RFX1: variants seen among roughly 807,000 people sequenced by gnomAD.
RFX1 encodes MHC class II regulatory factor RFX1.
A neutral mutation model predicts 119.6 loss-of-function variants in RFX1; 42 were observed. The observed-to-expected ratio is 0.35, with a 90% CI of 0.27 to 0.45. The LOEUF is 0.45. Ranked by LOEUF, RFX1 falls within the 20% of genes least tolerant of loss-of-function variation. The pLI, the probability that RFX1 is intolerant of heterozygous loss-of-function variation, is 1.00. For missense variants in RFX1, 1,118 were observed against 1,368.1 expected (o/e 0.82, Z 2.88); for synonymous variants, 628 against 618.5 (o/e 1.02, Z -0.23).
At position 13,965,700 on chromosome 19, in the gene RFX1, G is replaced by C. The variant is rs775504584; in HGVS notation, c.2039C>G (p.Thr680Ser). The C allele has an allele frequency of 1.2e-6, 2 of 1,613,948 alleles. No individual in the cohort carries two copies. The highest frequency in any genetic ancestry group is 1.7e-6 in the Non-Finnish European group (2 of 1,179,988). The change falls in exon 15 of 21, where the codon ACC becomes AGC. Residue 680 changes from threonine to serine, a missense_variant. By Grantham distance (58) the Thr-to-Ser change is moderately conservative. Transcript: ENST00000254325. The surrounding 1 kb of genome is among the most constrained non-coding windows in gnomAD (Gnocchi z 4.7). The stretch of plus-strand genomic sequence containing the variant: ...GTACAGCACGTTGTCACAGTGCTTG[G>C]TCCATTGGAGCACGGGCTCGAACTT... ...LSKFEPVLQW[T>S]KHCDNVLYQG...
chr19:13,971,293 G>A (rs796607556), intron 9 of RFX1, among the ~76,000 whole-genome samples: 2 of 151,224 alleles, frequency 1.3e-5, no homozygotes, highest in South Asian at 2.1e-4. Context: ...CTGAGATTGC[G>A]CCACTGCACT....
At position 13,993,800 on chromosome 19, in the gene RFX1, G is replaced by T. The variant is rs1350376624; in HGVS notation, c.44C>A (p.Pro15Gln). ...TGGCGGGGCCTGTGGCGGCTGGGAT[G>T]GTGGCGGGGCTGCCTGTAGCTCAGT... ...AYTELQAAPP[P>Q]SQPPQAPPQA... The change falls in exon 2 of 21, where the codon CCA becomes CAA. Residue 15 changes from proline (P) to glutamine (Q), a missense_variant. Physicochemically the swap from Pro to Gln is moderately conservative, Grantham distance 76. This residue lies in a region of RFX1 where 542 missense variants were observed against 602.7 expected (regional missense o/e 0.90). Coordinates refer to ENST00000254325, the MANE Select transcript of RFX1 (RefSeq NM_002918.5). 2 of 1,602,686 alleles carry T rather than the reference G, an allele frequency of 1.2e-6. No homozygotes were observed. The highest frequency in any genetic ancestry group is 3.4e-5 in the Admixed American group (2 of 58,500).
rs776771970 is a variant in RFX1 at position 13,979,514 on chromosome 19, G to A, written c.767C>T (p.Ala256Val). The A allele has an allele frequency of 5.0e-6, 8 of 1,604,008 alleles. No homozygotes were observed. Among genetic ancestry groups the A allele is most frequent in the East Asian group, 2.3e-5 (1 of 44,106 alleles). Residue 256 changes from alanine (A) to valine (V), a missense_variant, in exon 7 of 21, where the codon GCG becomes GTG. Ala to Val is a moderately conservative substitution (Grantham distance 64, BLOSUM62 0). This residue lies in a region of RFX1 where 542 missense variants were observed against 602.7 expected (regional missense o/e 0.90). Coordinates refer to ENST00000254325, the MANE Select transcript of RFX1 (RefSeq NM_002918.5). Reference protein sequence around the residue: ...ERSVVQATPQAPKPGPVQPLT... With the variant: ...ERSVVQATPQVPKPGPVQPLT... ...CGGCTGCACCGGGCCGGGTTTGGGC[G>A]CTTGTGGAGTGGCCTGGACCACAGA... is the stretch of plus-strand genomic sequence containing the variant.
At chr19:13,975,858 C>T (rs890819222) in intron 8 of RFX1, among the ~76,000 whole-genome samples, 2 of 152,202 alleles carry the variant, frequency 1.3e-5, no homozygotes, top group Non-Finnish European at 2.9e-5. Flanking sequence ...CAGTAATTCA[C>T]TCAGAGGGAG....
chr19:14,004,903 T>C (rs1446134593), intron 1 of RFX1, among the ~76,000 whole-genome samples: 3 of 152,096 alleles, frequency 2.0e-5, no homozygotes, highest in Admixed American at 6.6e-5. Flanking sequence ...GCAAAGATTC[T>C]CCTCTCACAA....
At chr19:13,992,161 G>A (rs975268611) in intron 2 of RFX1, among the ~76,000 whole-genome samples, 1 of 152,150 alleles carries the variant, frequency 6.6e-6, no homozygotes, top group Non-Finnish European at 1.5e-5. Flanking sequence ...CACACTAGCT[G>A]TGCACAGTGG....
rs751576935 is a variant in RFX1, at chr19:13,963,787, C to T, written c.2362-41G>A. On this transcript the variant is annotated intron_variant, in intron 17 of 20. Transcript: ENST00000254325. ...TGGGCGGGCGCCCGGGGCTCAGCCG[C>T]CGTCACCCCCGCCTGGCCCGCCCCG... 24 of 1,499,508 alleles carry T rather than the reference C, an allele frequency of 1.6e-5. No homozygotes were observed. In the African/African-American group the frequency reaches 2.8e-4, roughly 18 times the overall value. 92.9% of individuals were successfully genotyped at this position (1,499,508 alleles called of 1,614,324 possible).
At chr19:13,997,402 G>A (rs1472977678) in intron 1 of RFX1, among the ~76,000 whole-genome samples, 5 of 152,254 alleles carry the variant, frequency 3.3e-5, no homozygotes, top group African/African-American at 7.2e-5. Flanking sequence ...ATGGGAGGAC[G>A]GCTGGCCCTA....
At position 13,964,018 on chromosome 19, in the gene RFX1, G is replaced by A. The variant is rs1176360939; in HGVS notation, c.2212-11C>T. ...GCCAGCCGCGGCCACCTGCGTGCAG[G>A]GATTGAGGGGCTTGCTGCTTCCAAG... On this transcript the variant is annotated splice_polypyrimidine_tract_variant and intron_variant, in intron 16 of 20. Coordinates refer to ENST00000254325, the MANE Select transcript of RFX1 (RefSeq NM_002918.5). The A allele has an allele frequency of 1.3e-5, 20 of 1,529,802 alleles. No individual in the cohort carries two copies. The highest frequency in any genetic ancestry group is 1.3e-5 in the Non-Finnish European group (15 of 1,144,172). The allele number at this position is 1,529,802 out of a possible 1,614,324, so 94.8% of individuals were successfully genotyped here.
chr19:13,989,319 T>C (rs1162854961), intron 2 of RFX1, among the ~76,000 whole-genome samples: 2 of 151,992 alleles, frequency 1.3e-5, no homozygotes, highest in Non-Finnish European at 2.9e-5. Context: ...TGAAGGGGCT[T>C]GACATTTGCT....
intron 2 of RFX1, among the ~76,000 whole-genome samples, chr19:13,988,043 T>C (rs1974665527): frequency 6.6e-6 from 1 of 151,158 alleles, no homozygotes; most frequent in Admixed American, 6.6e-5. Flanking sequence ...TTTTTTTTTT[T>C]TGAGACAGAG....
Position 13,976,318 on chromosome 19 carries a change from C to A in RFX1, c.929+1674G>T, listed in dbSNP as rs568187842. ...AAGTGGCAGGGATGAAAAAAGAAAT[C>A]ATGCAAATGCAAAGAAAACCAAGTG... On this transcript the variant is annotated intron_variant, in intron 8 of 20. Transcript: ENST00000254325. Among the ~76,000 whole-genome samples the A allele has an allele frequency of 2.0e-5, 3 of 152,356 alleles. No individual in the cohort carries two copies. The East Asian group carries it at 5.8e-4, about 29-fold the overall frequency.
At chr19:14,000,603 C>A (rs944907571) in intron 1 of RFX1, among the ~76,000 whole-genome samples, 1 of 151,940 alleles carries the variant, frequency 6.6e-6, no homozygotes, top group East Asian at 1.9e-4. Flanking sequence ...TCAAGACCAG[C>A]CTAAGCAACA....
intron 12 of RFX1, among the ~76,000 whole-genome samples, chr19:13,967,360 G>A (rs1360000352): frequency 1.3e-5 from 2 of 150,396 alleles, no homozygotes; most frequent in Non-Finnish European, 3.0e-5. Context: ...TTTTTTTTAA[G>A]AGATGGGGTC....
chr19:13,972,879 C>G lies in RFX1; in HGVS notation c.1178G>C (p.Gly393Ala), dbSNP rs1974128066. Residue 393 changes from glycine to alanine, a missense_variant, in exon 9 of 21, where the codon GGA becomes GCA. By Grantham distance (60) the Gly-to-Ala change is moderately conservative. Transcript: ENST00000254325. ...GGSGGGGGGG[G>A]GGGGGGSGST... ...GCCACTGCCACCCCCGCCACCGCCT[C>G]CCCCGCCGCCGCCGCCACCACCACT... The G allele has an allele frequency of 6.4e-7, 1 of 1,560,172 alleles. No individual in the cohort carries two copies. Among genetic ancestry groups the G allele is most frequent in the East Asian group, 2.4e-5 (1 of 41,960 alleles).
Position 13,993,784 on chromosome 19 carries a change from C to T in RFX1, c.60G>A (p.Gln20=). 1 of 1,576,790 alleles carries T rather than the reference C, an allele frequency of 6.3e-7. No homozygotes were observed. Among genetic ancestry groups the T allele is most frequent in the Non-Finnish European group, 8.6e-7 (1 of 1,163,188 alleles). ...QAAPPPSQPP[Q]APPQAQPQPP... is the part of the protein sequence containing the mutation. The stretch of plus-strand genomic sequence containing the variant: ...GCTGGGGCTGGGCTTGTGGCGGGGC[C>T]TGTGGCGGCTGGGATGGTGGCGGGG... Residue 20 remains glutamine, a synonymous_variant, in exon 2 of 21, where the codon CAG becomes CAA. Transcript: ENST00000254325.
At chr19:14,002,508 GAAAA>G (rs1056657093) in intron 1 of RFX1, among the ~76,000 whole-genome samples, 3 of 151,832 alleles carry the variant, frequency 2.0e-5, no homozygotes, top group Admixed American at 2.0e-4. Flanking sequence ...AAGAAAGAAA[GAAAA>G]AAGAAAAGAA....
In RFX1 at chr19:13,993,876, CTT is replaced by C. The variant is rs143370000; in HGVS notation, c.-35_-34del. 10,627 of 1,213,114 alleles carry C rather than the reference CTT, an allele frequency of 8.8e-3. No individual in the cohort carries two copies. Among genetic ancestry groups the C allele is most frequent in the South Asian group, 0.017 (1,050 of 60,160 alleles). The allele number at this position is 1,213,114 out of a possible 1,614,324, so 75.1% of individuals were successfully genotyped here. Reference sequence around the variant, plus strand: ...GTGGGGAAAATGATAATAAATAAGGCTTTTTTTTTTTTTTAATTCCTTGGGAA... The same window carrying C: ...GTGGGGAAAATGATAATAAATAAGGCTTTTTTTTTTTTAATTCCTTGGGAA... On this transcript the variant is annotated 5_prime_UTR_variant, in exon 2 of 21. Coordinates refer to ENST00000254325, the MANE Select transcript of RFX1 (RefSeq NM_002918.5).
chr19:13,979,295 G>C, intron 7 of RFX1, 152 bp downstream of exon 7: 1 of 492,972 alleles, frequency 2.0e-6, no homozygotes, highest in South Asian at 4.3e-5. Context: ...TGGACCCTGA[G>C]CTGCCAGGGG....
Sources: gnomAD v4.1 joint callset for allele counts (sites outside exome capture counted in the v4.1 genomes callset) on GRCh38, gnomAD v4.1.1 for gene constraint, gnomAD v4.1.1 regional missense constraint, Gnocchi (gnomAD v3.1) non-coding constraint, MANE v1.5 for transcripts, NCBI Gene and HGNC (gene_info 2026-07-23, HGNC 2026-07-21) for gene names.